The following B3GLCT variants were observed in gnomAD, a reference collection of about 807,000 sequenced individuals.
The protein encoded by B3GLCT is beta-1,3-glucosyltransferase.
A neutral mutation model predicts 63.4 loss-of-function variants in B3GLCT; 65 were observed. The observed-to-expected ratio is 1.03, with a 90% CI of 0.84 to 1.26. The LOEUF (loss-of-function observed/expected upper bound fraction) is 1.26. B3GLCT is among the 50% of genes most tolerant of loss of function. The pLI is 0.00. For synonymous variants in B3GLCT, 233 were observed against 219.2 expected (o/e 1.06, Z -0.55); for missense variants, 577 against 604.8 (o/e 0.95, Z 0.48).
chr13:31,220,076 C>T (rs548401892), intron 2 of B3GLCT, among the ~76,000 whole-genome samples: 33 of 152,254 alleles, frequency 2.2e-4, no homozygotes, highest in Non-Finnish European at 4.3e-4. Flanking sequence ...GAATTAGAGC[C>T]CAGGGCCGAC....
At chr13:31,223,784 C>T (rs1377194748) in intron 3 of B3GLCT, among the ~76,000 whole-genome samples, 2 of 152,062 alleles carry the variant, frequency 1.3e-5, no homozygotes, top group Non-Finnish European at 2.9e-5. Context: ...GACCTGGACA[C>T]CAGTAGCAGT....
At chr13:31,249,753 T>G (rs1400271730) in intron 6 of B3GLCT, among the ~76,000 whole-genome samples, 1 of 152,236 alleles carries the variant, frequency 6.6e-6, no homozygotes, top group Non-Finnish European at 1.5e-5. Flanking sequence ...CTTTATTTCT[T>G]TTGAGACTAA....
intron 2 of B3GLCT, among the ~76,000 whole-genome samples, chr13:31,222,363 A>T (rs1869858369): frequency 6.6e-6 from 1 of 151,976 alleles, no homozygotes; most frequent in Non-Finnish European, 1.5e-5. Context: ...GGTATGAGCC[A>T]CCGCACCCGG....
In B3GLCT at chr13:31,221,028, T is replaced by C. The variant is rs577935711; in HGVS notation, c.121-1924T>C. On this transcript the variant is annotated intron_variant, in intron 2 of 14. Transcript: ENST00000343307. The stretch of plus-strand genomic sequence containing the variant: ...TTCCCGAGGAAGGCTGGGCAGGCGT[T>C]ATCATGGCGGTGTGAGGAAGAGCAT... Among the ~76,000 whole-genome samples, 7 of 152,362 alleles carry C rather than the reference T, an allele frequency of 4.6e-5. No homozygotes were observed. In the South Asian group the frequency reaches 1.4e-3, roughly 32 times the overall value.
chr13:31,226,823 A>G (rs1338927420), intron 3 of B3GLCT, among the ~76,000 whole-genome samples: 3 of 152,242 alleles, frequency 2.0e-5, no homozygotes. Context: ...AGAGAATAAT[A>G]TAATGAACAT....
chr13:31,331,679 A>G lies in B3GLCT; in HGVS notation c.*2011A>G, dbSNP rs1348563379. ...CTTCAGAGCTACCCTTTTAAGAGAAAACCATCAGAAATTGATAATGTTTAT... is the reference window on the plus strand; with the variant it reads ...CTTCAGAGCTACCCTTTTAAGAGAAGACCATCAGAAATTGATAATGTTTAT... On this transcript the variant is annotated 3_prime_UTR_variant, in exon 15 of 15. Transcript: ENST00000343307. 1 of 152,240 alleles carries G rather than the reference A, an allele frequency of 6.6e-6. No individual in the cohort carries two copies. Among genetic ancestry groups the G allele is most frequent in the Admixed American group, 6.5e-5 (1 of 15,288 alleles). The allele number at this position is 152,240 out of a possible 1,614,324, so 9.4% of individuals were successfully genotyped here.
chr13:31,232,199 A>G (rs545888971), intron 4 of B3GLCT, among the ~76,000 whole-genome samples: 2 of 152,316 alleles, frequency 1.3e-5, no homozygotes, highest in Admixed American at 6.5e-5. Context: ...TCAAACTAGT[A>G]TATGGTTCTA....
chr13:31,256,314 T>C (rs1412589170), intron 6 of B3GLCT, among the ~76,000 whole-genome samples: 1 of 152,220 alleles, frequency 6.6e-6, no homozygotes, highest in African/African-American at 2.4e-5. Context: ...GTGGGAATGC[T>C]TTTACACTGT....
At chr13:31,265,853 T>TAGCTAGGAAGTGGGACTGAAAAAGTC (rs1426612980) in intron 7 of B3GLCT, among the ~76,000 whole-genome samples, 1 of 152,042 alleles carries the variant, frequency 6.6e-6, no homozygotes. Flanking sequence ...CTGAAAAAGT[T>TAGCTAGGAAGTGGGACTGAAAAAGTC]AGCTAGGAAG....
At chr13:31,212,497 A>T (rs539609227) in intron 1 of B3GLCT, among the ~76,000 whole-genome samples, 1 of 151,586 alleles carries the variant, frequency 6.6e-6, no homozygotes, top group Non-Finnish European at 1.5e-5. Context: ...CTGGTCTCAA[A>T]CTCCTGACCT....
At chr13:31,278,141 T>C (rs2137864821) in intron 10 of B3GLCT, among the ~76,000 whole-genome samples, 1 of 152,282 alleles carries the variant, frequency 6.6e-6, no homozygotes, top group South Asian at 2.1e-4. Flanking sequence ...GAGTAGTGAT[T>C]GTTTTCACAA....
chr13:31,254,501 T>C (rs1169094396), intron 6 of B3GLCT, among the ~76,000 whole-genome samples: 2 of 152,178 alleles, frequency 1.3e-5, no homozygotes, highest in Non-Finnish European at 1.5e-5. Context: ...TTGGCATTGA[T>C]GGAACTATCT....
At chr13:31,215,477 G>A (rs1347638867) in intron 2 of B3GLCT, among the ~76,000 whole-genome samples, 2 of 152,004 alleles carry the variant, frequency 1.3e-5, no homozygotes, top group African/African-American at 2.4e-5. Flanking sequence ...GCAGTGGCAC[G>A]ATCTCAGATC....
chr13:31,250,304 G>T (rs1483739753), intron 6 of B3GLCT, among the ~76,000 whole-genome samples: 1 of 152,156 alleles, frequency 6.6e-6, no homozygotes, highest in African/African-American at 2.4e-5. Context: ...CTCCCAAGTA[G>T]CTGGGATTAC....
At chr13:31,316,154 C>G (rs1489930726) in intron 12 of B3GLCT, among the ~76,000 whole-genome samples, 1 of 151,900 alleles carries the variant, frequency 6.6e-6, no homozygotes, top group African/African-American at 2.4e-5. Context: ...ACACAGAGTC[C>G]CCACTGGGAC....
chr13:31,277,222 A>T (rs1471028185), intron 10 of B3GLCT, among the ~76,000 whole-genome samples: 1 of 152,016 alleles, frequency 6.6e-6, no homozygotes, highest in East Asian at 1.9e-4. Flanking sequence ...GGAACTTGTT[A>T]GTTAAGAGAT....
intron 12 of B3GLCT, among the ~76,000 whole-genome samples, chr13:31,316,762 A>T (rs887407833): frequency 1.3e-4 from 20 of 152,182 alleles, no homozygotes; most frequent in Non-Finnish European, 2.5e-4. Flanking sequence ...GTGTCTACTT[A>T]AAAAAGTTAT....
intron 4 of B3GLCT, among the ~76,000 whole-genome samples, chr13:31,244,306 A>G (rs1324998851): frequency 2.6e-5 from 4 of 152,222 alleles, no homozygotes; most frequent in East Asian, 1.9e-4. Context: ...AGCCTGGCCA[A>G]CATGGTGAAA....
rs1415437030 is a variant in B3GLCT, at chr13:31,330,794, T to C, written c.*1126T>C. The C allele has an allele frequency of 6.6e-6, 1 of 152,170 alleles. No homozygotes were observed. The highest frequency in any genetic ancestry group is 2.4e-5 in the African/African-American group (1 of 41,444). 9.4% of individuals were successfully genotyped at this position (152,170 alleles called of 1,614,324 possible). On this transcript the variant is annotated 3_prime_UTR_variant, in exon 15 of 15. Transcript: ENST00000343307. Reference sequence around the variant, plus strand: ...TTTTTGTAAAGGTATTTGCATAAAATTTAATATGTCTTAAACTAATTTTGG... The same window carrying C: ...TTTTTGTAAAGGTATTTGCATAAAACTTAATATGTCTTAAACTAATTTTGG...
Sources: allele counts gnomAD v4.1 joint callset (sites outside exome capture counted in the v4.1 genomes callset), GRCh38; gene constraint gnomAD v4.1.1; transcripts MANE v1.5; gene names NCBI Gene and HGNC (gene_info 2026-07-23, HGNC 2026-07-21).